Variants in NUP188 observed in about 807,000 individuals in gnomAD.
NUP188 encodes nucleoporin NUP188.
NUP188 carries 97 observed loss-of-function variants against 223.0 expected under a neutral mutation model. That is an observed-to-expected ratio of 0.43 (90% confidence interval 0.37 to 0.51). The LOEUF (loss-of-function observed/expected upper bound fraction) is 0.51. Among genes scored for constraint, NUP188 ranks in the 20% least tolerant of loss-of-function variants. The pLI, the probability that NUP188 is intolerant of heterozygous loss-of-function variation, is 0.00. For missense variants in NUP188, 1,947 were observed against 2,175.6 expected, an observed-to-expected ratio of 0.89 and a Z score of 2.09; for synonymous variants, 869 against 828.0, an observed-to-expected ratio of 1.05 and a Z score of -0.85.
Position 129,003,384 on chromosome 9 carries a change from T to G in NUP188, c.4364T>G (p.Phe1455Cys). ...GAGGAGGCGGACCACACCGTGGGTT[T>G]TATTCTGCAGCTCTCTAACTTCATG... ...CLEEADHTVG[F>C]ILQLSNFMKE... Residue 1455 changes from phenylalanine (F) to cysteine (C), a missense_variant, in exon 38 of 44, where the codon TTT becomes TGT. Phe to Cys is a radical substitution (Grantham distance 205). Coordinates refer to ENST00000372577, the MANE Select transcript of NUP188 (RefSeq NM_015354.3). 1.2e-6 allele frequency: 2 copies of G among 1,613,446 alleles called. No individual in the cohort carries two copies. Among genetic ancestry groups the G allele is most frequent in the Middle Eastern group, 1.7e-4 (1 of 6,040 alleles).
chr9:128,950,407 G>C (rs933438267), intron 2 of NUP188, among the ~76,000 whole-genome samples: 1 of 152,114 alleles, frequency 6.6e-6, no homozygotes, highest in Non-Finnish European at 1.5e-5. Flanking sequence ...TTTTAGTAGA[G>C]ATGGGGTTTC....
intron 2 of NUP188, among the ~76,000 whole-genome samples, chr9:128,950,256 C>G (rs901194450): frequency 1.3e-4 from 19 of 151,528 alleles, no homozygotes; most frequent in African/African-American, 4.1e-4. Flanking sequence ...CAGAGTCTGG[C>G]TCTCGCCCAG....
chr9:128,977,665 G>T (rs931097397), intron 12 of NUP188, among the ~76,000 whole-genome samples: 2 of 152,058 alleles, frequency 1.3e-5, no homozygotes, highest in East Asian at 1.9e-4. Context: ...TGGGCGTGGT[G>T]GTGGGCACCT....
chr9:128,993,522 C>G lies in NUP188; in HGVS notation c.2848-3C>G, dbSNP rs1842466078. The G allele has an allele frequency of 1.2e-6, 2 of 1,614,008 alleles. No homozygotes were observed. Among genetic ancestry groups the G allele is most frequent in the African/African-American group, 1.3e-5 (1 of 74,910 alleles). On this transcript the variant is annotated splice_polypyrimidine_tract_variant and splice_region_variant and intron_variant, in intron 26 of 43. Coordinates refer to ENST00000372577, the MANE Select transcript of NUP188 (RefSeq NM_015354.3). ...CTGAACTCTTACCTGTCCCTTCTTG[C>G]AGGAATTCAGCCTTGGGATGTGGAG...
Position 129,003,389 on chromosome 9 carries a change from C to T in NUP188, c.4369C>T (p.Leu1457=), listed in dbSNP as rs763163159. 2.5e-5 allele frequency: 41 copies of T among 1,613,374 alleles called. No individual in the cohort carries two copies. In the Admixed American group the frequency reaches 5.0e-4, roughly 20 times the overall value. The change falls in exon 38 of 44, where the codon CTG becomes TTG. Residue 1457 remains leucine (L), a synonymous_variant. Coordinates refer to ENST00000372577, the MANE Select transcript of NUP188 (RefSeq NM_015354.3). ...EEADHTVGFI[L]QLSNFMKEWH... is the part of the protein sequence containing the mutation. ...GGCGGACCACACCGTGGGTTTTATTCTGCAGCTCTCTAACTTCATGAAGGA... is the reference window on the plus strand; with the variant it reads ...GGCGGACCACACCGTGGGTTTTATTTTGCAGCTCTCTAACTTCATGAAGGA...
intron 20 of NUP188, 146 bp from the exon 21 acceptor site, chr9:128,986,412 C>G: frequency 1.3e-6 from 1 of 796,706 alleles, no homozygotes; most frequent in Admixed American, 3.1e-5. Flanking sequence ...TAAAGTAGGA[C>G]TTTTGATGTT....
rs769317059 is a variant in NUP188, at chr9:129,006,477, C to G, written c.5074-25C>G. 2.5e-6 allele frequency: 4 copies of G among 1,611,610 alleles called. No individual in the cohort carries two copies. The Admixed American group carries it at 5.0e-5, about 20-fold the overall frequency. On this transcript the variant is annotated intron_variant, in intron 43 of 43. Coordinates refer to ENST00000372577, the MANE Select transcript of NUP188 (RefSeq NM_015354.3). ...AACAGTAGCCAGATGTGCTGAGCCT[C>G]ACCAAGCCACTTTTTTTCTTGTAGA...
Position 129,006,780 on chromosome 9 carries a change from C to A in NUP188, c.*102C>A. ...CTAGGGCCTATACAATGGAGGGCAC[C>A]TCCTGTCACCCCCCTCCCGGAGTAG... On this transcript the variant is annotated 3_prime_UTR_variant, in exon 44 of 44. Transcript: ENST00000372577. 8.1e-7 allele frequency: 1 copy of A among 1,234,936 alleles called. No individual in the cohort carries two copies. Among genetic ancestry groups the A allele is most frequent in the Non-Finnish European group, 1.1e-6 (1 of 904,798 alleles). The allele number at this position is 1,234,936 out of a possible 1,614,324, so 76.5% of individuals were successfully genotyped here. A position where few individuals can be genotyped will look rare whatever the true frequency, so the allele number is the denominator to read the frequency against.
chr9:128,973,087 C>T (rs918462906), intron 11 of NUP188, 73 bp from the exon 12 acceptor site: 7 of 849,116 alleles, frequency 8.2e-6, no homozygotes, highest in Admixed American at 6.9e-5. Flanking sequence ...TATATGAATG[C>T]GATAGGATTA....
chr9:129,000,741 C>A (rs1842634992), intron 34 of NUP188, among the ~76,000 whole-genome samples: 1 of 151,776 alleles, frequency 6.6e-6, no homozygotes, highest in Non-Finnish European at 1.5e-5. Flanking sequence ...AGGATACAGT[C>A]TAAAAAGTCT....
chr9:129,000,420 G>A (rs541512655), intron 34 of NUP188, among the ~76,000 whole-genome samples: 8 of 152,216 alleles, frequency 5.3e-5, no homozygotes, highest in Admixed American at 1.3e-4. Context: ...CCAGATTCAC[G>A]CCATTCTCCC....
chr9:128,989,701 T>G lies in NUP188; in HGVS notation c.2534-419T>G, dbSNP rs371037060. Among the ~76,000 whole-genome samples, 23 of 151,944 alleles carry G rather than the reference T, an allele frequency of 1.5e-4. No homozygotes were observed. The East Asian group carries it at 2.7e-3, about 18-fold the overall frequency. ...TTTAAAAATTAGCTGGACGTGGTGG[T>G]GCACGCCAGTAATCCCAGCTACTCA... On this transcript the variant is annotated intron_variant, in intron 24 of 43. Coordinates refer to ENST00000372577, the MANE Select transcript of NUP188 (RefSeq NM_015354.3).
chr9:128,994,972 G>A lies in NUP188; in HGVS notation c.3155+49G>A, dbSNP rs533080123. On this transcript the variant is annotated intron_variant, in intron 29 of 43. Transcript: ENST00000372577. ...TTTTAACTGAAGGTTGGGGGAGTGGGAGTTGGTGGCCTACCACTGGGTGCA... is the reference window on the plus strand; with the variant it reads ...TTTTAACTGAAGGTTGGGGGAGTGGAAGTTGGTGGCCTACCACTGGGTGCA... 15 of 1,386,638 alleles carry A rather than the reference G, an allele frequency of 1.1e-5. No individual in the cohort carries two copies. The African/African-American group carries it at 2.0e-4, about 18-fold the overall frequency. The allele number at this position is 1,386,638 out of a possible 1,614,324, so 85.9% of individuals were successfully genotyped here.
At chr9:128,999,983 C>T (rs1344151994) in intron 34 of NUP188, among the ~76,000 whole-genome samples, 178 bp downstream of exon 34, 2 of 152,232 alleles carry the variant, frequency 1.3e-5, no homozygotes, top group Non-Finnish European at 2.9e-5. Flanking sequence ...CATTGTACTG[C>T]AGGAGAGAAG....
At chr9:128,959,488 T>G (rs1841916441) in intron 8 of NUP188, among the ~76,000 whole-genome samples, 1 of 151,932 alleles carries the variant, frequency 6.6e-6, no homozygotes, top group Non-Finnish European at 1.5e-5. Flanking sequence ...GAGCTGCAAG[T>G]TAAATTATTT....
chr9:128,949,418 C>T (rs1220973013), intron 2 of NUP188, among the ~76,000 whole-genome samples, 175 bp downstream of exon 2: 3 of 152,056 alleles, frequency 2.0e-5, no homozygotes, highest in South Asian at 2.1e-4. Flanking sequence ...CCGCAACCTC[C>T]GCCTCCCAGG....
chr9:128,971,923 C>G (rs759308707), intron 11 of NUP188, among the ~76,000 whole-genome samples: 2 of 152,160 alleles, frequency 1.3e-5, no homozygotes, highest in Non-Finnish European at 2.9e-5. Flanking sequence ...AGGCACCTGC[C>G]ACCATGCCCG....
Position 128,993,262 on chromosome 9 carries a change from G to A in NUP188, c.2706G>A (p.Leu902=), listed in dbSNP as rs1349375853. The change falls in exon 26 of 44, where the codon CTG becomes CTA. Residue 902 remains leucine (L), a synonymous_variant. Coordinates refer to ENST00000372577, the MANE Select transcript of NUP188 (RefSeq NM_015354.3). Reference sequence around the variant, plus strand: ...CGGCTGCCATTCGTGATGCCTTCCTGACCCGATTGCAGAGCAAAATTGAGG... The same window carrying A: ...CGGCTGCCATTCGTGATGCCTTCCTAACCCGATTGCAGAGCAAAATTGAGG... The part of the protein sequence containing the change: ...NDAAAIRDAF[L]TRLQSKIEDM... 1 of 1,614,106 alleles carries A rather than the reference G, an allele frequency of 6.2e-7. No homozygotes were observed. The highest frequency in any genetic ancestry group is 8.5e-7 in the Non-Finnish European group (1 of 1,180,048).
intron 8 of NUP188, among the ~76,000 whole-genome samples, chr9:128,961,385 G>T (rs377045922): frequency 6.6e-6 from 1 of 150,958 alleles, no homozygotes; most frequent in East Asian, 2.0e-4. Flanking sequence ...GGTGGCACGT[G>T]CCTGTACTCC....
Sources: gnomAD v4.1 joint callset for allele counts (sites outside exome capture counted in the v4.1 genomes callset) on GRCh38, gnomAD v4.1.1 for gene constraint, MANE v1.5 for transcripts, NCBI Gene and HGNC (gene_info 2026-07-23, HGNC 2026-07-21) for gene names.